The following PCBP1 variants were observed in gnomAD, a reference collection of about 807,000 sequenced individuals.
The protein encoded by PCBP1 is poly(rC) binding protein 1.
For missense variants in PCBP1, 244 were observed against 474.4 expected, an observed-to-expected ratio of 0.51 and a Z score of 4.51; for synonymous variants, 284 against 195.8, an observed-to-expected ratio of 1.45 and a Z score of -3.76.
rs931911383 is a variant in PCBP1, at chr2:70,088,534, C to T, written c.791C>T (p.Ser264Phe). Residue 264 changes from serine to phenylalanine, a missense_variant, in exon 1 of 1, where the codon TCT becomes TTT. By Grantham distance (155) the Ser-to-Phe change is radical. Transcript: ENST00000303577. The surrounding 1 kb of genome is among the most constrained non-coding windows in gnomAD (Gnocchi z 4.5). ...GGATTCGCCGGAATTGACTCCAGCT[C>T]TCCAGAGGTGAAAGGCTATTGGGCA... ...GTGFAGIDSS[S>F]PEVKGYWASL... is the part of the protein sequence containing the mutation. 2 of 1,614,166 alleles carry T rather than the reference C, an allele frequency of 1.2e-6. No homozygotes were observed. The highest frequency in any genetic ancestry group is 1.7e-5 in the Admixed American group (1 of 60,014).
Position 70,089,203 on chromosome 2 carries a change from A to C in PCBP1, c.*389A>C. 5.4e-6 allele frequency: 1 copy of C among 186,096 alleles called. No individual in the cohort carries two copies. The highest frequency in any genetic ancestry group is 1.5e-4 in the East Asian group (1 of 6,528). 11.5% of individuals were successfully genotyped at this position (186,096 alleles called of 1,614,324 possible). A position where few individuals can be genotyped will look rare whatever the true frequency, so the allele number is the denominator to read the frequency against. On this transcript the variant is annotated 3_prime_UTR_variant, in exon 1 of 1. Transcript: ENST00000303577. The stretch of plus-strand genomic sequence containing the variant: ...AAAAAGCTGGGAATTGCTGTCTTAA[A>C]CTCTTTGTTGGTGCCTTTTTTTTCC...
At position 70,088,016 on chromosome 2, in the gene PCBP1, C is replaced by G. The variant is rs767174360; in HGVS notation, c.273C>G (p.Thr91=). 2 of 1,613,790 alleles carry G rather than the reference C, an allele frequency of 1.2e-6. No individual in the cohort carries two copies. The highest frequency in any genetic ancestry group is 1.3e-5 in the African/African-American group (1 of 75,006). ...TCAACAGCTCCATGACCAACAGTAC[C>G]GCGGCCAGCAGGCCCCCGGTCACCC... ...EDINSSMTNS[T]AASRPPVTLR... is the part of the protein sequence containing the mutation. The change falls in exon 1 of 1, where the codon ACC becomes ACG. Residue 91 remains threonine, a synonymous_variant. Coordinates refer to ENST00000303577, the MANE Select transcript of PCBP1 (RefSeq NM_006196.4). The surrounding 1 kb of genome is among the most constrained non-coding windows in gnomAD (Gnocchi z 4.5).
chr2:70,087,686 G>T lies in PCBP1; in HGVS notation c.-58G>T. ...TACACCTCCCCTCCCCCCGCCAGCC[G>T]CCAAAGACTTGACCACGTAACGAGC... is the stretch of plus-strand genomic sequence containing the variant. On this transcript the variant is annotated 5_prime_UTR_variant, in exon 1 of 1. Transcript: ENST00000303577. 4 of 1,216,692 alleles carry T rather than the reference G, an allele frequency of 3.3e-6. No individual in the cohort carries two copies. The East Asian group carries it at 9.7e-5, about 29-fold the overall frequency. The allele number at this position is 1,216,692 out of a possible 1,614,324, so 75.4% of individuals were successfully genotyped here. A position where few individuals can be genotyped will look rare whatever the true frequency, so the allele number is the denominator to read the frequency against.
rs574413028 is a variant in PCBP1 at position 70,088,079 on chromosome 2, G to A, written c.336G>A (p.Leu112=). The A allele has an allele frequency of 1.2e-6, 2 of 1,613,728 alleles. No homozygotes were observed. The highest frequency in any genetic ancestry group is 1.1e-5 in the South Asian group (1 of 91,082). The change falls in exon 1 of 1, where the codon CTG becomes CTA. Residue 112 remains leucine (L), a synonymous_variant. Coordinates refer to ENST00000303577, the MANE Select transcript of PCBP1 (RefSeq NM_006196.4). The surrounding 1 kb of genome is among the most constrained non-coding windows in gnomAD (Gnocchi z 4.5). The part of the protein sequence containing the change: ...LVVPATQCGS[L]IGKGGCKIKE... ...TGCCGGCCACCCAGTGCGGCTCCCT[G>A]ATTGGGAAAGGCGGGTGTAAGATCA...
rs1355669818 is a variant in PCBP1 at position 70,088,092 on chromosome 2, G to T, written c.349G>T (p.Gly117Trp). ...GTGCGGCTCCCTGATTGGGAAAGGC[G>T]GGTGTAAGATCAAAGAGATCCGCGA... ...TQCGSLIGKGGCKIKEIREST... is the reference protein window; with the variant it reads ...TQCGSLIGKGWCKIKEIREST... Residue 117 changes from glycine to tryptophan, a missense_variant, in exon 1 of 1, where the codon GGG (glycine) becomes TGG (tryptophan). Gly to Trp is a radical substitution (Grantham distance 184). Transcript: ENST00000303577. The surrounding 1 kb of genome is among the most constrained non-coding windows in gnomAD (Gnocchi z 4.5). 1 of 1,613,858 alleles carries T rather than the reference G, an allele frequency of 6.2e-7. No homozygotes were observed. The highest frequency in any genetic ancestry group is 8.5e-7 in the Non-Finnish European group (1 of 1,180,014).
Position 70,087,774 on chromosome 2 carries a change from A to C in PCBP1, c.31A>C (p.Asn11His), listed in dbSNP as rs1170968182. 6.4e-7 allele frequency: 1 copy of C among 1,570,298 alleles called. No homozygotes were observed. The highest frequency in any genetic ancestry group is 8.7e-7 in the Non-Finnish European group (1 of 1,155,392). Residue 11 changes from asparagine to histidine, a missense_variant, in exon 1 of 1, where the codon AAT (asparagine) becomes CAT (histidine). Coordinates refer to ENST00000303577, the MANE Select transcript of PCBP1 (RefSeq NM_006196.4). The part of the protein sequence containing the change: MDAGVTESGL[N>H]VTLTIRLLMH... ...TGCCGGTGTGACTGAAAGTGGACTA[A>C]ATGTGACTCTCACCATTCGGCTTCT...
Position 70,087,720 on chromosome 2 carries a change from CCCGAA to C in PCBP1, c.-22_-18del. ...TTGACCACGTAACGAGCCCAACTCC[CCCGAA>C]CGCCGCCCGCCGCTCGCCATGGATG... On this transcript the variant is annotated 5_prime_UTR_variant, in exon 1 of 1. Coordinates refer to ENST00000303577, the MANE Select transcript of PCBP1 (RefSeq NM_006196.4). 1 of 1,497,212 alleles carries C rather than the reference CCCGAA, an allele frequency of 6.7e-7. No individual in the cohort carries two copies. Among genetic ancestry groups the C allele is most frequent in the East Asian group, 2.3e-5 (1 of 43,702 alleles). 92.7% of individuals were successfully genotyped at this position (1,497,212 alleles called of 1,614,324 possible).
At position 70,087,677 on chromosome 2, in the gene PCBP1, C is replaced by G. The variant is rs1333704934; in HGVS notation, c.-67C>G. The G allele has an allele frequency of 8.7e-6, 10 of 1,144,016 alleles. No individual in the cohort carries two copies. Among genetic ancestry groups the G allele is most frequent in the East Asian group, 2.4e-5 (1 of 41,002 alleles). The allele number at this position is 1,144,016 out of a possible 1,614,324, so 70.9% of individuals were successfully genotyped here. ...TTTTGGGCCTACACCTCCCCTCCCC[C>G]CGCCAGCCGCCAAAGACTTGACCAC... is the stretch of plus-strand genomic sequence containing the variant. On this transcript the variant is annotated 5_prime_UTR_variant, in exon 1 of 1. Transcript: ENST00000303577.
chr2:70,087,782 T>C lies in PCBP1; in HGVS notation c.39T>C (p.Thr13=), dbSNP rs746362142. Residue 13 remains threonine, a synonymous_variant, in exon 1 of 1, where the codon ACT becomes ACC. Coordinates refer to ENST00000303577, the MANE Select transcript of PCBP1 (RefSeq NM_006196.4). ...TGACTGAAAGTGGACTAAATGTGAC[T>C]CTCACCATTCGGCTTCTTATGCACG... is the stretch of plus-strand genomic sequence containing the variant. ...AGVTESGLNV[T]LTIRLLMHGK... is the part of the protein sequence containing the mutation. The C allele has an allele frequency of 6.3e-7, 1 of 1,577,418 alleles. No homozygotes were observed. Among genetic ancestry groups the C allele is most frequent in the Non-Finnish European group, 8.6e-7 (1 of 1,159,352 alleles).
At position 70,087,924 on chromosome 2, in the gene PCBP1, C is replaced by T; in HGVS notation, c.181C>T (p.Leu61=). The T allele has an allele frequency of 6.2e-7, 1 of 1,611,698 alleles. No individual in the cohort carries two copies. The highest frequency in any genetic ancestry group is 8.5e-7 in the Non-Finnish European group (1 of 1,178,202). Reference sequence around the variant, plus strand: ...GAATTGTCCGGAGAGAATCATCACTCTGACCGGCCCCACCAATGCCATCTT... The same window carrying T: ...GAATTGTCCGGAGAGAATCATCACTTTGACCGGCCCCACCAATGCCATCTT... ...EGNCPERIIT[L]TGPTNAIFKA... is the part of the protein sequence containing the mutation. Residue 61 remains leucine, a synonymous_variant, in exon 1 of 1, where the codon CTG becomes TTG. Coordinates refer to ENST00000303577, the MANE Select transcript of PCBP1 (RefSeq NM_006196.4).
Position 70,089,063 on chromosome 2 carries a change from T to A in PCBP1, c.*249T>A, listed in dbSNP as rs1213868755. ...GGTTTTTTGGCTCATGAATTTTATT[T>A]CTGTTTGTCGATAAGAAATGTAAGA... On this transcript the variant is annotated 3_prime_UTR_variant, in exon 1 of 1. Coordinates refer to ENST00000303577, the MANE Select transcript of PCBP1 (RefSeq NM_006196.4). 7.0e-6 allele frequency: 3 copies of A among 429,426 alleles called. No homozygotes were observed. The allele number at this position is 429,426 out of a possible 1,614,324, so 26.6% of individuals were successfully genotyped here. A position where few individuals can be genotyped will look rare whatever the true frequency, so the allele number is the denominator to read the frequency against.
rs1362166330 is a variant in PCBP1, at chr2:70,088,831, TC to T, written c.*18del. ...TGCAGCTAGAACAGTGTAGGTTCCC[TC>T]AATAACCCCTTTCTGCTGTTCTCCC... is the stretch of plus-strand genomic sequence containing the variant. On this transcript the variant is annotated 3_prime_UTR_variant, in exon 1 of 1. Coordinates refer to ENST00000303577, the MANE Select transcript of PCBP1 (RefSeq NM_006196.4). This position sits in a 1 kb window ranked among gnomAD's most constrained non-coding sequence, Gnocchi z 4.5. 6 of 1,546,338 alleles carry T rather than the reference TC, an allele frequency of 3.9e-6. No homozygotes were observed. Among genetic ancestry groups the T allele is most frequent in the South Asian group, 3.4e-5 (3 of 87,292 alleles).
In PCBP1 at chr2:70,087,535, C is replaced by T. The variant is rs1474799206; in HGVS notation, c.-209C>T. ...CCGCGCCCTCGCCCACCCGCCCGCCCGCCGCTCCCGGCCCCGCTCGCCCCC... is the reference window on the plus strand; with the variant it reads ...CCGCGCCCTCGCCCACCCGCCCGCCTGCCGCTCCCGGCCCCGCTCGCCCCC... On this transcript the variant is annotated 5_prime_UTR_variant, in exon 1 of 1. Transcript: ENST00000303577. 6.8e-6 allele frequency: 1 copy of T among 147,186 alleles called. No individual in the cohort carries two copies. The highest frequency in any genetic ancestry group is 2.5e-5 in the African/African-American group (1 of 40,480). 9.1% of individuals were successfully genotyped at this position (147,186 alleles called of 1,614,324 possible).
At position 70,088,778 on chromosome 2, in the gene PCBP1, C is replaced by T. The variant is rs1362770724; in HGVS notation, c.1035C>T (p.Ala345=). 2 of 1,613,662 alleles carry T rather than the reference C, an allele frequency of 1.2e-6. No individual in the cohort carries two copies. Among genetic ancestry groups the T allele is most frequent in the Non-Finnish European group, 8.5e-7 (1 of 1,179,886 alleles). Residue 345 remains alanine (A), a synonymous_variant, in exon 1 of 1, where the codon GCC becomes GCT. Coordinates refer to ENST00000303577, the MANE Select transcript of PCBP1 (RefSeq NM_006196.4). The surrounding 1 kb of genome is among the most constrained non-coding windows in gnomAD (Gnocchi z 4.5). ...SISLAQYLIN[A]RLSSEKGMGC... ...GTCTGGCCCAGTATCTAATCAATGC[C>T]AGGCTTTCCTCTGAGAAGGGCATGG...
In PCBP1 at chr2:70,088,001, C is replaced by T; in HGVS notation, c.258C>T (p.Ser86=). 6 of 1,613,868 alleles carry T rather than the reference C, an allele frequency of 3.7e-6. No individual in the cohort carries two copies. Among genetic ancestry groups the T allele is most frequent in the Non-Finnish European group, 5.1e-6 (6 of 1,180,012 alleles). The part of the protein sequence containing the change: ...IDKLEEDINS[S]MTNSTAASRP... Reference sequence around the variant, plus strand: ...AGCTGGAGGAAGATATCAACAGCTCCATGACCAACAGTACCGCGGCCAGCA... The same window carrying T: ...AGCTGGAGGAAGATATCAACAGCTCTATGACCAACAGTACCGCGGCCAGCA... Residue 86 remains serine (S), a synonymous_variant, in exon 1 of 1, where the codon TCC becomes TCT. Coordinates refer to ENST00000303577, the MANE Select transcript of PCBP1 (RefSeq NM_006196.4). The surrounding 1 kb of genome is among the most constrained non-coding windows in gnomAD (Gnocchi z 4.5).
At position 70,087,833 on chromosome 2, in the gene PCBP1, G is replaced by T; in HGVS notation, c.90G>T (p.Gly30=). 6.2e-7 allele frequency: 1 copy of T among 1,610,942 alleles called. No individual in the cohort carries two copies. Among genetic ancestry groups the T allele is most frequent in the South Asian group, 1.1e-5 (1 of 90,788 alleles). The change falls in exon 1 of 1, where the codon GGG becomes GGT. Residue 30 remains glycine (G), a synonymous_variant. Transcript: ENST00000303577. Reference sequence around the variant, plus strand: ...GAAAGGAAGTAGGAAGCATCATTGGGAAGAAAGGGGAGTCGGTTAAGAGGA... The same window carrying T: ...GAAAGGAAGTAGGAAGCATCATTGGTAAGAAAGGGGAGTCGGTTAAGAGGA... ...MHGKEVGSII[G]KKGESVKRIR...
In PCBP1 at chr2:70,088,130, G is replaced by T; in HGVS notation, c.387G>T (p.Ala129=). 1 of 1,613,990 alleles carries T rather than the reference G, an allele frequency of 6.2e-7. No homozygotes were observed. The highest frequency in any genetic ancestry group is 1.7e-5 in the Admixed American group (1 of 60,020). The change falls in exon 1 of 1, where the codon GCG becomes GCT. Residue 129 remains alanine (A), a synonymous_variant. Coordinates refer to ENST00000303577, the MANE Select transcript of PCBP1 (RefSeq NM_006196.4). This position sits in a 1 kb window ranked among gnomAD's most constrained non-coding sequence, Gnocchi z 4.5. ...KIKEIRESTG[A]QVQVAGDMLP... ...AAGAGATCCGCGAGAGTACGGGGGCGCAGGTCCAGGTGGCGGGGGATATGC... is the reference window on the plus strand; with the variant it reads ...AAGAGATCCGCGAGAGTACGGGGGCTCAGGTCCAGGTGGCGGGGGATATGC...
rs1370502024 is a variant in PCBP1 at position 70,088,529 on chromosome 2, C to A, written c.786C>A (p.Ser262=). 1.2e-6 allele frequency: 2 copies of A among 1,614,278 alleles called. No homozygotes were observed. The highest frequency in any genetic ancestry group is 3.3e-5 in the Admixed American group (2 of 60,034). The stretch of plus-strand genomic sequence containing the variant: ...GGACCGGATTCGCCGGAATTGACTC[C>A]AGCTCTCCAGAGGTGAAAGGCTATT... ...HGGTGFAGID[S]SSPEVKGYWA... is the part of the protein sequence containing the mutation. The change falls in exon 1 of 1, where the codon TCC becomes TCA. Residue 262 remains serine, a synonymous_variant. Transcript: ENST00000303577. The surrounding 1 kb of genome is among the most constrained non-coding windows in gnomAD (Gnocchi z 4.5).
Position 70,087,484 on chromosome 2 carries a change from C to G in PCBP1, c.-260C>G, listed in dbSNP as rs1261582138. ...GGGCTTCCCGCCCCGCCCAGACCGC[C>G]GAGGCTGCCGCCGGAGTCGCCACCG... On this transcript the variant is annotated 5_prime_UTR_variant, in exon 1 of 1. Coordinates refer to ENST00000303577, the MANE Select transcript of PCBP1 (RefSeq NM_006196.4). The G allele has an allele frequency of 2.0e-5, 3 of 150,598 alleles. No homozygotes were observed. The South Asian group carries it at 5.3e-4, about 27-fold the overall frequency. The allele number at this position is 150,598 out of a possible 1,614,324, so 9.3% of individuals were successfully genotyped here.
Sources: gnomAD v4.1 joint callset for allele counts on GRCh38, gnomAD v4.1.1 for gene constraint, Gnocchi (gnomAD v3.1) non-coding constraint, MANE v1.5 for transcripts, NCBI Gene and HGNC (gene_info 2026-07-23, HGNC 2026-07-21) for gene names.